SYNPR: variants seen among roughly 807,000 people sequenced by gnomAD.
The protein encoded by SYNPR is synaptoporin.
Under a neutral mutation model 32.9 loss-of-function variants are expected in SYNPR, and 23 were observed. That is an observed-to-expected ratio of 0.70 (90% CI 0.50 to 0.99). The LOEUF is 0.99. SYNPR is among the 50% of genes least tolerant of loss of function. SYNPR has a pLI of 0.00. For synonymous variants in SYNPR, 146 were observed against 135.9 expected (o/e 1.07, Z -0.52); for missense variants, 318 against 349.3 (o/e 0.91, Z 0.71).
intron 2 of SYNPR, among the ~76,000 whole-genome samples, chr3:63,386,761 G>T (rs908168159): frequency 6.6e-6 from 1 of 152,152 alleles, no homozygotes; most frequent in Non-Finnish European, 1.5e-5. Context: ...GGTCAGCCTG[G>T]TGGGAGCCAG....
chr3:63,335,310 G>A (rs976109447), intron 2 of SYNPR, among the ~76,000 whole-genome samples: 5 of 134,848 alleles, frequency 3.7e-5, no homozygotes, highest in South Asian at 2.4e-4. Flanking sequence ...CCGAGACTGC[G>A]CCACTGCACT....
intron 3 of SYNPR, among the ~76,000 whole-genome samples, chr3:63,489,282 AC>A (rs1701213176): frequency 6.6e-6 from 1 of 152,012 alleles, no homozygotes; most frequent in African/African-American, 2.4e-5. Flanking sequence ...GGATAATTAT[AC>A]CCCCAATCCA....
chr3:63,308,876 A>G (rs1285847014), intron 2 of SYNPR, among the ~76,000 whole-genome samples: 1 of 151,880 alleles, frequency 6.6e-6, no homozygotes, highest in Non-Finnish European at 1.5e-5. Flanking sequence ...TCATTGAATT[A>G]TAAATTTTCA....
At chr3:63,447,691 G>A (rs886444695) in intron 2 of SYNPR, among the ~76,000 whole-genome samples, 19 of 151,700 alleles carry the variant, frequency 1.3e-4, no homozygotes, top group African/African-American at 4.4e-4. Context: ...AAACACCTCA[G>A]TCTCTCCACT....
intron 2 of SYNPR, among the ~76,000 whole-genome samples, chr3:63,318,525 C>T (rs888474119): frequency 6.6e-6 from 1 of 151,904 alleles, no homozygotes; most frequent in Non-Finnish European, 1.5e-5. Flanking sequence ...GAATTTCTCT[C>T]TTCTGTTTGT....
chr3:63,278,567 G>A lies in SYNPR; in HGVS notation c.18+16G>A. ...TGTGAGTCAGGTGAGACAGAACTGGGCAGGGCGGCTGGCTGGGAGCAGGGG... is the reference window on the plus strand; with the variant it reads ...TGTGAGTCAGGTGAGACAGAACTGGACAGGGCGGCTGGCTGGGAGCAGGGG... On this transcript the variant is annotated intron_variant, in intron 1 of 5. Coordinates refer to ENST00000478300, the MANE Select transcript of SYNPR (RefSeq NM_001130003.2). 1 of 1,551,044 alleles carries A rather than the reference G, an allele frequency of 6.4e-7. No individual in the cohort carries two copies. Among genetic ancestry groups the A allele is most frequent in the Non-Finnish European group, 8.7e-7 (1 of 1,146,514 alleles).
rs554459794 is a variant in SYNPR at position 63,534,750 on chromosome 3, C to A, written c.210-21793C>A. On this transcript the variant is annotated intron_variant, in intron 3 of 5. Transcript: ENST00000478300. The stretch of plus-strand genomic sequence containing the variant: ...CACGGTTGAAAGCAGAAGGGGACCA[C>A]TGTGTATGATGAGGTAACGTGGTGA... Among the ~76,000 whole-genome samples, 7 of 152,232 alleles carry A rather than the reference C, an allele frequency of 4.6e-5. No individual in the cohort carries two copies. In the East Asian group the frequency reaches 1.4e-3, roughly 30 times the overall value.
intron 2 of SYNPR, among the ~76,000 whole-genome samples, chr3:63,265,879 G>T (rs1187454052): frequency 6.6e-6 from 1 of 152,122 alleles, no homozygotes; most frequent in African/African-American, 2.4e-5. Context: ...TTTAAGAAAT[G>T]ATATTTAGAC....
rs1469074975 is a variant in SYNPR, at chr3:63,499,881, A to T, written c.209+18925A>T. On this transcript the variant is annotated intron_variant, in intron 3 of 5. Transcript: ENST00000478300. ...AATTCATTGTCCTCAAGGAATTCAC[A>T]GTTCAGTGAAGAAGAAAAGATAATC... Among the ~76,000 whole-genome samples, 4 of 150,688 alleles carry T rather than the reference A, an allele frequency of 2.7e-5. No homozygotes were observed. The East Asian group carries it at 7.7e-4, about 29-fold the overall frequency.
intron 2 of SYNPR, among the ~76,000 whole-genome samples, chr3:63,254,670 T>C (rs948448105): frequency 1.1e-4 from 16 of 152,216 alleles, no homozygotes; most frequent in Admixed American, 2.6e-4. Flanking sequence ...ATATGCATTA[T>C]AGGACGTTTA....
chr3:63,451,152 G>A (rs1213252908), intron 2 of SYNPR, among the ~76,000 whole-genome samples: 2 of 152,190 alleles, frequency 1.3e-5, no homozygotes, highest in African/African-American at 4.8e-5. Context: ...TTATGAAGAA[G>A]ATTGCTGTCA....
intron 4 of SYNPR, chr3:63,561,352 A>C (rs1024509481): frequency 6.6e-6 from 1 of 152,190 alleles, no homozygotes; most frequent in Non-Finnish European, 1.5e-5. Flanking sequence ...AGAGAAGGGA[A>C]GCTTAGAGCA....
At chr3:63,351,030 C>T (rs1422372752) in intron 2 of SYNPR, among the ~76,000 whole-genome samples, 3 of 152,138 alleles carry the variant, frequency 2.0e-5, no homozygotes, top group African/African-American at 7.2e-5. Flanking sequence ...AGACATTATG[C>T]TTTCTTGCAT....
At chr3:63,256,700 C>T (rs1014334795) in intron 2 of SYNPR, among the ~76,000 whole-genome samples, 1 of 152,288 alleles carries the variant, frequency 6.6e-6, no homozygotes, top group South Asian at 2.1e-4. Context: ...TCACCAGCAA[C>T]AGAACAAAGC....
At chr3:63,510,919 G>GCCTTT (rs1701685054) in intron 3 of SYNPR, among the ~76,000 whole-genome samples, 2 of 128,950 alleles carry the variant, frequency 1.6e-5, no homozygotes, top group Non-Finnish European at 3.6e-5. Flanking sequence ...GTACAACTGT[G>GCCTTT]TGTGTGTGTG....
rs993899928 is a variant in SYNPR at position 63,305,739 on chromosome 3, C to T, written c.84+26997C>T. Among the ~76,000 whole-genome samples, 4 of 152,032 alleles carry T rather than the reference C, an allele frequency of 2.6e-5. No individual in the cohort carries two copies. In the East Asian group the frequency reaches 5.9e-4, roughly 22 times the overall value. On this transcript the variant is annotated intron_variant, in intron 2 of 5. Coordinates refer to ENST00000478300, the MANE Select transcript of SYNPR (RefSeq NM_001130003.2). ...CCGACATACTACCTCTCAGAAACTC[C>T]GCCCCTGTCAAATCGAGTTGTTAGA...
At chr3:63,329,245 G>T (rs2087199107) in intron 2 of SYNPR, among the ~76,000 whole-genome samples, 1 of 152,064 alleles carries the variant, frequency 6.6e-6, no homozygotes, top group Non-Finnish European at 1.5e-5. Context: ...CAGTCACAAA[G>T]CTGGTCACTT....
intron 4 of SYNPR, among the ~76,000 whole-genome samples, chr3:63,558,294 A>G (rs1702626944): frequency 6.6e-6 from 1 of 152,196 alleles, no homozygotes; most frequent in Non-Finnish European, 1.5e-5. Flanking sequence ...ATGGACTAAC[A>G]CAGCCTATTC....
chr3:63,534,895 T>C (rs1702174963), intron 3 of SYNPR, among the ~76,000 whole-genome samples: 1 of 152,032 alleles, frequency 6.6e-6, no homozygotes, highest in Non-Finnish European at 1.5e-5. Flanking sequence ...GAGTAATCTA[T>C]TCATAAGGAA....
Sources: allele counts gnomAD v4.1 joint callset (sites outside exome capture counted in the v4.1 genomes callset), GRCh38; gene constraint gnomAD v4.1.1; transcripts MANE v1.5; gene names NCBI Gene and HGNC (gene_info 2026-07-23, HGNC 2026-07-21).